Variants in ALK observed in about 807,000 individuals in gnomAD.
ALK encodes ALK receptor tyrosine kinase, also known as ALK tyrosine kinase receptor.
ALK carries 74 observed loss-of-function variants against 163.1 expected under a neutral mutation model. The observed-to-expected ratio is 0.45, with a 90% CI of 0.38 to 0.55. The LOEUF is 0.55. Ranked by LOEUF, ALK falls within the 20% of genes least tolerant of loss-of-function variation. The pLI, the probability that ALK is intolerant of heterozygous loss-of-function variation, is 0.00. For missense variants in ALK, 2,063 were observed against 2,105.3 expected (o/e 0.98, Z 0.39); for synonymous variants, 960 against 843.2 (o/e 1.14, Z -2.40).
intron 1 of ALK, among the ~76,000 whole-genome samples, chr2:29,768,936 C>T (rs1480174177): frequency 6.6e-6 from 1 of 151,978 alleles, no homozygotes; most frequent in East Asian, 1.9e-4. Context: ...TGGGCTCAAG[C>T]GATCCTCCCG....
rs1449031095 is a variant in ALK, at chr2:29,595,031, C to A, written c.953-62915G>T. Among the ~76,000 whole-genome samples, 4 of 152,076 alleles carry A rather than the reference C, an allele frequency of 2.6e-5. No individual in the cohort carries two copies. In the Middle Eastern group the frequency reaches 0.01, roughly 388 times the overall value. On this transcript the variant is annotated intron_variant, in intron 3 of 28. Coordinates refer to ENST00000389048, the MANE Select transcript of ALK (RefSeq NM_004304.5). Reference sequence around the variant, plus strand: ...GAAAGGAAGTCATGCGTCTAAATATCTTTTTACACGATTAAAAACATCTGA... The same window carrying A: ...GAAAGGAAGTCATGCGTCTAAATATATTTTTACACGATTAAAAACATCTGA...
At chr2:29,461,749 C>T (rs555411681) in intron 4 of ALK, among the ~76,000 whole-genome samples, 1 of 152,264 alleles carries the variant, frequency 6.6e-6, no homozygotes, top group South Asian at 2.1e-4. Context: ...AACACAACAT[C>T]CATTTTGCAG....
intron 3 of ALK, among the ~76,000 whole-genome samples, chr2:29,643,551 G>C (rs2148247477): frequency 6.6e-6 from 1 of 152,278 alleles, no homozygotes; most frequent in South Asian, 2.1e-4. Context: ...TGAAAACCTA[G>C]AGGATGGGCA....
chr2:29,911,504 A>G (rs1386732635), intron 1 of ALK, among the ~76,000 whole-genome samples: 1 of 152,216 alleles, frequency 6.6e-6, no homozygotes, highest in Non-Finnish European at 1.5e-5. Context: ...CCCTAAATGC[A>G]GGATCTGTGC....
At chr2:29,709,882 T>G (rs943771441) in intron 2 of ALK, among the ~76,000 whole-genome samples, 1 of 152,196 alleles carries the variant, frequency 6.6e-6, no homozygotes, top group Non-Finnish European at 1.5e-5. Flanking sequence ...CTGATTGGAA[T>G]GTTGGGGGTA....
chr2:29,207,550 C>T (rs1669344342), intron 25 of ALK, among the ~76,000 whole-genome samples: 1 of 152,230 alleles, frequency 6.6e-6, no homozygotes. Context: ...GTTTAGCTTT[C>T]TCTGTTGGGT....
intron 11 of ALK, among the ~76,000 whole-genome samples, chr2:29,274,558 G>A (rs772096688): frequency 6.6e-6 from 1 of 152,372 alleles, no homozygotes; most frequent in Non-Finnish European, 1.5e-5. Flanking sequence ...AGAGGCTGAC[G>A]AGTTCTGCTG....
chr2:29,245,931 G>T (rs1318436835), intron 12 of ALK, among the ~76,000 whole-genome samples: 1 of 152,252 alleles, frequency 6.6e-6, no homozygotes, highest in East Asian at 1.9e-4. Context: ...GGCTGCACAC[G>T]CTGGTGCCCC....
chr2:29,198,339 T>TCTC (rs34967972), intron 26 of ALK, among the ~76,000 whole-genome samples: 76,587 of 151,542 alleles, frequency 0.51, 21,133 homozygotes, highest in East Asian at 0.74. Flanking sequence ...ACACACATCA[T>TCTC]CTCCTTTATT....
At chr2:29,229,311 G>A (rs1327893545) in intron 15 of ALK, among the ~76,000 whole-genome samples, 1 of 152,166 alleles carries the variant, frequency 6.6e-6, no homozygotes, top group Non-Finnish European at 1.5e-5. Flanking sequence ...TTGTACCCCT[G>A]CTTCCTGCCA....
At position 29,766,819 on chromosome 2, in the gene ALK, T is replaced by C. The variant is rs546065112; in HGVS notation, c.668-49122A>G. Among the ~76,000 whole-genome samples, 3 of 152,284 alleles carry C rather than the reference T, an allele frequency of 2.0e-5. No individual in the cohort carries two copies. In the South Asian group the frequency reaches 6.2e-4, roughly 32 times the overall value. The stretch of plus-strand genomic sequence containing the variant: ...CTGACAGAAAGCATGAAAGTGTCCC[T>C]GACAGACCTGAAACCCATGTCCAGG... On this transcript the variant is annotated intron_variant, in intron 1 of 28. Coordinates refer to ENST00000389048, the MANE Select transcript of ALK (RefSeq NM_004304.5).
chr2:29,898,561 C>G (rs1022485204), intron 1 of ALK, among the ~76,000 whole-genome samples: 1 of 152,092 alleles, frequency 6.6e-6, no homozygotes, highest in African/African-American at 2.4e-5. Flanking sequence ...TAAAATAATC[C>G]TTTTTCATTA....
At chr2:29,591,303 C>A (rs1250693207) in intron 3 of ALK, among the ~76,000 whole-genome samples, 1 of 152,078 alleles carries the variant, frequency 6.6e-6, no homozygotes, top group Admixed American at 6.5e-5. Context: ...TCATTCTTTC[C>A]TTTTAGTCCC....
At chr2:29,829,441 A>G (rs1020257555) in intron 1 of ALK, among the ~76,000 whole-genome samples, 5 of 152,162 alleles carry the variant, frequency 3.3e-5, no homozygotes, top group African/African-American at 1.2e-4. Context: ...GATGAGATGC[A>G]GTCTCCAGGT....
At chr2:29,583,531 A>G (rs1018579057) in intron 3 of ALK, among the ~76,000 whole-genome samples, 4 of 126,126 alleles carry the variant, frequency 3.2e-5, no homozygotes, top group African/African-American at 1.0e-4. Flanking sequence ...TTCTAATTCC[A>G]ACCTCTCTTG....
chr2:29,296,437 G>C (rs954771781), intron 9 of ALK, among the ~76,000 whole-genome samples: 2 of 152,216 alleles, frequency 1.3e-5, no homozygotes, highest in Non-Finnish European at 2.9e-5. Context: ...GACAGGAGTG[G>C]TAAATGATGA....
rs183864121 is a variant in ALK, at chr2:29,739,005, G to T, written c.668-21308C>A. On this transcript the variant is annotated intron_variant, in intron 1 of 28. Transcript: ENST00000389048. ...TAATCCCAGTGCTTTGGGAAGCCAA[G>T]GTAGGAGGATCACTTGAGACCAGGA... 8.9e-4 allele frequency among the ~76,000 whole-genome samples: 136 copies of T among 152,034 alleles called. 1 individual carries two copies. The highest frequency in any genetic ancestry group is 7.5e-3 in the Admixed American group (114 of 15,286).
chr2:29,832,832 T>A (rs1665455862), intron 1 of ALK, among the ~76,000 whole-genome samples: 1 of 152,180 alleles, frequency 6.6e-6, no homozygotes, highest in East Asian at 1.9e-4. Context: ...TAGAAATAAA[T>A]GTTCAATTTT....
At chr2:29,597,413 A>T (rs1288407615) in intron 3 of ALK, among the ~76,000 whole-genome samples, 1 of 152,154 alleles carries the variant, frequency 6.6e-6, no homozygotes, top group East Asian at 1.9e-4. Flanking sequence ...ATATGAACCA[A>T]CGCCACTAAT....
Sources: gnomAD v4.1 joint callset for allele counts (sites outside exome capture counted in the v4.1 genomes callset) on GRCh38, gnomAD v4.1.1 for gene constraint, MANE v1.5 for transcripts, NCBI Gene and HGNC (gene_info 2026-07-23, HGNC 2026-07-21) for gene names.